MUC5B: variants seen among roughly 807,000 people sequenced by gnomAD.
MUC5B encodes mucin 5B, oligomeric mucus/gel-forming.
In MUC5B, 116 loss-of-function variants were observed where a neutral mutation model predicts 376.9. That is an observed-to-expected ratio of 0.31 (90% CI 0.26 to 0.36). MUC5B has a LOEUF of 0.36. MUC5B is among the 10% of genes least tolerant of loss of function. The probability of loss-of-function intolerance (pLI) is 1.00; values close to 1 mark genes in which losing one functional copy is unlikely to be tolerated. For missense variants in MUC5B, 7,165 were observed against 7,769.9 expected, an observed-to-expected ratio of 0.92 and a Z score of 2.93; for synonymous variants, 3,517 against 3,390.9, an observed-to-expected ratio of 1.04 and a Z score of -1.29.
Position 1,256,541 on chromosome 11 carries a change from A to G in MUC5B, c.16137-130A>G, listed in dbSNP as rs1305854189. ...CCCGTCCCCGCCCCCAGCCCCGCCC[A>G]CCCTGAGCCCCGCACTCCACCCATT... On this transcript the variant is annotated intron_variant, in intron 38 of 48. Transcript: ENST00000529681. The G allele has an allele frequency of 3.8e-5, 8 of 208,452 alleles. No individual in the cohort carries two copies. The East Asian group carries it at 1.1e-3, about 28-fold the overall frequency. The allele number at this position is 208,452 out of a possible 1,614,324, so 12.9% of individuals were successfully genotyped here.
At position 1,258,031 on chromosome 11, in the gene MUC5B, AC is replaced by A; in HGVS notation, c.16451-67del. 2 of 1,443,970 alleles carry A rather than the reference AC, an allele frequency of 1.4e-6. No homozygotes were observed. The highest frequency in any genetic ancestry group is 1.9e-6 in the Non-Finnish European group (2 of 1,055,218). The allele number at this position is 1,443,970 out of a possible 1,614,324, so 89.4% of individuals were successfully genotyped here. On this transcript the variant is annotated intron_variant, in intron 41 of 48. Transcript: ENST00000529681. The surrounding 1 kb of genome is among the most constrained non-coding windows in gnomAD (Gnocchi z 5.5). ...TCGGGGAAAAGCACGCCTGCGACTT[AC>A]TCTGGGAACAAGTGGTCGGGAGGAG...
chr11:1,250,065 G>T lies in MUC5B; in HGVS notation c.13185G>T (p.Leu4395=), dbSNP rs1351190366. ...GGACGACCTGGATCCTCACAGAGCT[G>T]ACCACAGCAGCCACTACAACTGCAG... The part of the protein sequence containing the change: ...TPGTTWILTE[L]TTAATTTAAT... The change falls in exon 31 of 49, where the codon CTG becomes CTT. Residue 4395 remains leucine (L), a synonymous_variant. Transcript: ENST00000529681. The T allele has an allele frequency of 6.3e-7, 1 of 1,595,064 alleles. No homozygotes were observed. The highest frequency in any genetic ancestry group is 1.3e-5 in the African/African-American group (1 of 74,320).
intron 1 of MUC5B, 159 bp downstream of exon 1, chr11:1,223,352 C>A: frequency 1.4e-6 from 1 of 690,054 alleles, no homozygotes; most frequent in Non-Finnish European, 2.7e-6. Flanking sequence ...CAACACAGGG[C>A]TCTGGGGCCC....
In MUC5B at chr11:1,257,584, G is replaced by A; in HGVS notation, c.16324G>A (p.Val5442Met). Residue 5442 changes from valine to methionine, a missense_variant, in exon 41 of 49, where the codon GTG (valine) becomes ATG (methionine). Val to Met is a conservative substitution (Grantham distance 21). Around this residue, in one of 31 missense-constraint regions of MUC5B, gnomAD observed 842 missense variants for 1,016.9 expected, o/e 0.83. Transcript: ENST00000529681. The surrounding 1 kb of genome is among the most constrained non-coding windows in gnomAD (Gnocchi z 8.9). ...CQSCVCDEGS[V>M]SVQCKPLPCD... Reference sequence around the variant, plus strand: ...GTCCTGCGTGTGTGACGAGGGTTCAGTGTCGGTGCAGTGCAAGCCCCTGCC... The same window carrying A: ...GTCCTGCGTGTGTGACGAGGGTTCAATGTCGGTGCAGTGCAAGCCCCTGCC... The A allele has an allele frequency of 1.2e-6, 2 of 1,606,992 alleles. No homozygotes were observed. Among genetic ancestry groups the A allele is most frequent in the South Asian group, 1.1e-5 (1 of 91,078 alleles).
In MUC5B at chr11:1,250,283, C is replaced by A; in HGVS notation, c.13403C>A (p.Thr4468Asn). ...TVTVPTGSTA[T>N]ASSTQATAGT... Reference sequence around the variant, plus strand: ...ACGGTGCCCACCGGATCCACGGCCACCGCCTCCTCCACCCAGGCAACTGCT... The same window carrying A: ...ACGGTGCCCACCGGATCCACGGCCAACGCCTCCTCCACCCAGGCAACTGCT... The change falls in exon 31 of 49, where the codon ACC becomes AAC. Residue 4468 changes from threonine (T) to asparagine (N), a missense_variant. By Grantham distance (65) the Thr-to-Asn change is moderately conservative (BLOSUM62 0). Transcript: ENST00000529681. 1.9e-6 allele frequency: 3 copies of A among 1,613,134 alleles called. No individual in the cohort carries two copies. The highest frequency in any genetic ancestry group is 2.5e-6 in the Non-Finnish European group (3 of 1,179,624).
rs1056549903 is a variant in MUC5B at position 1,228,812 on chromosome 11, G to A, written c.976+47G>A. The A allele has an allele frequency of 9.7e-6, 14 of 1,437,524 alleles. No individual in the cohort carries two copies. The African/African-American group carries it at 1.7e-4, about 17-fold the overall frequency. The allele number at this position is 1,437,524 out of a possible 1,614,324, so 89.0% of individuals were successfully genotyped here. A position where few individuals can be genotyped will look rare whatever the true frequency, so the allele number is the denominator to read the frequency against. ...GCCAGGGATTGTGCCAGAGAGAAGG[G>A]GCAGGGGGAGCGCCTTGGGGGCCAC... On this transcript the variant is annotated intron_variant, in intron 8 of 48. Coordinates refer to ENST00000529681, the MANE Select transcript of MUC5B (RefSeq NM_002458.3).
rs1554936943 is a variant in MUC5B, at chr11:1,242,569, C to A, written c.5689C>A (p.Pro1897Thr). 22 of 1,613,606 alleles carry A rather than the reference C, an allele frequency of 1.4e-5. No individual in the cohort carries two copies. The highest frequency in any genetic ancestry group is 1.8e-5 in the Non-Finnish European group (21 of 1,179,808). ...STPATSSTAT[P>T]SSTPGTTWIL... ...CCCAGCCACCAGCTCCACGGCCACG[C>A]CCTCCTCAACTCCGGGGACGACCTG... The change falls in exon 31 of 49, where the codon CCC becomes ACC. Residue 1897 changes from proline to threonine, a missense_variant. Coordinates refer to ENST00000529681, the MANE Select transcript of MUC5B (RefSeq NM_002458.3).
rs754845795 is a variant in MUC5B, at chr11:1,223,139, G to A, written c.16G>A (p.Ala6Thr). 4.7e-5 allele frequency: 33 copies of A among 705,962 alleles called. No homozygotes were observed. Among genetic ancestry groups the A allele is most frequent in the Middle Eastern group, 3.1e-4 (1 of 3,216 alleles). The allele number at this position is 705,962 out of a possible 1,614,324, so 43.7% of individuals were successfully genotyped here. A position where few individuals can be genotyped will look rare whatever the true frequency, so the allele number is the denominator to read the frequency against. Residue 6 changes from alanine (A) to threonine (T), a missense_variant, in exon 1 of 49, where the codon GCG becomes ACG. Physicochemically the swap from Ala to Thr is moderately conservative, Grantham distance 58. This residue lies in a region of MUC5B where 640 missense variants were observed against 733.0 expected (regional missense o/e 0.87). Coordinates refer to ENST00000529681, the MANE Select transcript of MUC5B (RefSeq NM_002458.3). ...AGCCCCCAGGATGGGTGCCCCGAGC[G>A]CGTGCCGGACGCTGGTGTTGGCTCT... is the stretch of plus-strand genomic sequence containing the variant. MGAPS[A>T]CRTLVLALAA...
chr11:1,258,844 A>G lies in MUC5B; in HGVS notation c.16594-98A>G. 1 of 1,481,302 alleles carries G rather than the reference A, an allele frequency of 6.8e-7. No individual in the cohort carries two copies. Among genetic ancestry groups the G allele is most frequent in the Non-Finnish European group, 9.1e-7 (1 of 1,103,910 alleles). The allele number at this position is 1,481,302 out of a possible 1,614,324, so 91.8% of individuals were successfully genotyped here. ...GGGTGCATCTATGCTCCATCTGAGG[A>G]AGGAACAACTCCCTGCAGGCCCCAT... On this transcript the variant is annotated intron_variant, in intron 43 of 48. Coordinates refer to ENST00000529681, the MANE Select transcript of MUC5B (RefSeq NM_002458.3). The surrounding 1 kb of genome is among the most constrained non-coding windows in gnomAD (Gnocchi z 5.5).
rs370776272 is a variant in MUC5B at position 1,258,068 on chromosome 11, C to T, written c.16451-31C>T. 1.1e-4 allele frequency: 163 copies of T among 1,537,788 alleles called. No individual in the cohort carries two copies. In the African/African-American group the frequency reaches 1.8e-3, roughly 17 times the overall value. On this transcript the variant is annotated intron_variant, in intron 41 of 48. Coordinates refer to ENST00000529681, the MANE Select transcript of MUC5B (RefSeq NM_002458.3). The surrounding 1 kb of genome is among the most constrained non-coding windows in gnomAD (Gnocchi z 5.5). Reference sequence around the variant, plus strand: ...AGTGGTCGGGAGGAGGAGTGAGCAGCGCCCAGACAGTGGCCTCCATCCTCC... The same window carrying T: ...AGTGGTCGGGAGGAGGAGTGAGCAGTGCCCAGACAGTGGCCTCCATCCTCC...
intron 44 of MUC5B, among the ~76,000 whole-genome samples, 170 bp downstream of exon 44, chr11:1,259,231 AG>A (rs1292894853): frequency 7.4e-6 from 1 of 134,972 alleles, no homozygotes; most frequent in Non-Finnish European, 1.6e-5. Flanking sequence ...GTGAGACCCG[AG>A]GCACCTGCCC....
chr11:1,247,287 A>G lies in MUC5B; in HGVS notation c.10407A>G (p.Thr3469=), dbSNP rs368062236. 3.7e-5 allele frequency: 60 copies of G among 1,611,724 alleles called. No individual in the cohort carries two copies. In the African/African-American group the frequency reaches 6.0e-4, roughly 16 times the overall value. The change falls in exon 31 of 49, where the codon ACA becomes ACG. Residue 3469 remains threonine (T), a synonymous_variant. Transcript: ENST00000529681. ...CCAGCAGTCCCCACACGGTGCGCAC[A>G]GCCTGGACTTCGGCCACCTCGGGCA... ...LPPSSPHTVR[T]AWTSATSGIL...
At chr11:1,256,650 G>A in intron 38 of MUC5B, 21 bp from the exon 39 acceptor site, 1 of 1,543,840 alleles carries the variant, frequency 6.5e-7, no homozygotes, top group Non-Finnish European at 8.7e-7. Context: ...AGGTCTCAGG[G>A]CCTCTCTTGT....
chr11:1,246,936 C>T lies in MUC5B; in HGVS notation c.10056C>T (p.Ile3352=), dbSNP rs1862492908. 6 of 1,609,054 alleles carry T rather than the reference C, an allele frequency of 3.7e-6. No individual in the cohort carries two copies. The highest frequency in any genetic ancestry group is 1.7e-5 in the Admixed American group (1 of 59,608). The change falls in exon 31 of 49, where the codon ATC becomes ATT. Residue 3352 remains isoleucine (I), a synonymous_variant. Transcript: ENST00000529681. Reference sequence around the variant, plus strand: ...GCTCCACGGTGACCCCCTCCTCCATCCCGGGGACCACCCACACCGCCACAG... The same window carrying T: ...GCTCCACGGTGACCCCCTCCTCCATTCCGGGGACCACCCACACCGCCACAG... ...TRGSTVTPSS[I]PGTTHTATVL...
At position 1,244,907 on chromosome 11, in the gene MUC5B, C is replaced by T; in HGVS notation, c.8027C>T (p.Thr2676Ile). ...TTTVATGSMATPSSSTQTSGT... is the reference protein window; with the variant it reads ...TTTVATGSMAIPSSSTQTSGT... Reference sequence around the variant, plus strand: ...ACTGTGGCCACTGGTTCTATGGCAACACCCTCCTCTAGCACACAGACCAGT... The same window carrying T: ...ACTGTGGCCACTGGTTCTATGGCAATACCCTCCTCTAGCACACAGACCAGT... Residue 2676 changes from threonine (T) to isoleucine (I), a missense_variant, in exon 31 of 49, where the codon ACA becomes ATA. Physicochemically the swap from Thr to Ile is moderately conservative, Grantham distance 89 (BLOSUM62 -1). Coordinates refer to ENST00000529681, the MANE Select transcript of MUC5B (RefSeq NM_002458.3). The T allele has an allele frequency of 1.2e-6, 2 of 1,606,372 alleles. No individual in the cohort carries two copies. The highest frequency in any genetic ancestry group is 1.7e-6 in the Non-Finnish European group (2 of 1,176,530).
chr11:1,251,262 C>G lies in MUC5B; in HGVS notation c.14382C>G (p.Thr4794=), dbSNP rs1410314889. Residue 4794 remains threonine, a synonymous_variant, in exon 31 of 49, where the codon ACC becomes ACG. Transcript: ENST00000529681. ...CCACCCACACCTCCACAGTGCTGACCACCACAGCCACCATGACAAGGGCCA... is the reference window on the plus strand; with the variant it reads ...CCACCCACACCTCCACAGTGCTGACGACCACAGCCACCATGACAAGGGCCA... The part of the protein sequence containing the change: ...PETTHTSTVL[T]TTATMTRATN... 4 of 1,611,398 alleles carry G rather than the reference C, an allele frequency of 2.5e-6. No individual in the cohort carries two copies. In the African/African-American group the frequency reaches 5.3e-5, roughly 22 times the overall value.
intron 21 of MUC5B, 69 bp from the exon 22 acceptor site, chr11:1,235,016 G>A (rs1862123301): frequency 6.5e-7 from 1 of 1,540,966 alleles, no homozygotes; most frequent in African/African-American, 1.4e-5. Flanking sequence ...GCACAGGCCT[G>A]GGTGCCGGGT....
In MUC5B at chr11:1,240,871, A is replaced by G. The variant is rs1452540390; in HGVS notation, c.3991A>G (p.Thr1331Ala). 27 of 1,610,936 alleles carry G rather than the reference A, an allele frequency of 1.7e-5. No individual in the cohort carries two copies. Among genetic ancestry groups the G allele is most frequent in the Non-Finnish European group, 2.2e-5 (26 of 1,179,398 alleles). The change falls in exon 31 of 49, where the codon ACC becomes GCC. Residue 1331 changes from threonine to alanine, a missense_variant. Thr to Ala is a moderately conservative substitution (Grantham distance 58). Around this residue, in one of 31 missense-constraint regions of MUC5B, gnomAD observed 517 missense variants for 545.3 expected, o/e 0.95. Coordinates refer to ENST00000529681, the MANE Select transcript of MUC5B (RefSeq NM_002458.3). ...TGCAGGCCCGGCCCTCCCGGTCTCC[A>G]CCGTGTGTGTCCGCGAGGTCTGCCG... ...STTSPALPVS[T>A]VCVREVCRWS... is the part of the protein sequence containing the mutation.
chr11:1,226,291 C>A lies in MUC5B; in HGVS notation c.199+15C>A. ...CAGCCTGAGCCGTAAGCAGATGCTGCCCCTGCCAGCCGGGAAGGGGGTGTT... is the reference window on the plus strand; with the variant it reads ...CAGCCTGAGCCGTAAGCAGATGCTGACCCTGCCAGCCGGGAAGGGGGTGTT... On this transcript the variant is annotated intron_variant, in intron 3 of 48. Coordinates refer to ENST00000529681, the MANE Select transcript of MUC5B (RefSeq NM_002458.3). The A allele has an allele frequency of 2.6e-6, 4 of 1,550,762 alleles. No individual in the cohort carries two copies. Among genetic ancestry groups the A allele is most frequent in the Non-Finnish European group, 3.5e-6 (4 of 1,148,078 alleles).
Sources: allele counts gnomAD v4.1 joint callset (sites outside exome capture counted in the v4.1 genomes callset), GRCh38; gene constraint gnomAD v4.1.1; regional missense constraint gnomAD v4.1.1; non-coding constraint Gnocchi (gnomAD v3.1); transcripts MANE v1.5; gene names NCBI Gene and HGNC (gene_info 2026-07-23, HGNC 2026-07-21).